LRP1B: variants seen among roughly 807,000 people sequenced by gnomAD.
LRP1B encodes the protein LDL receptor related protein 1B, also known as low-density lipoprotein receptor-related protein 1B.
In LRP1B, 217 loss-of-function variants were observed where a neutral mutation model predicts 556.6. That is an observed-to-expected ratio of 0.39 (90% confidence interval 0.35 to 0.44). The LOEUF (loss-of-function observed/expected upper bound fraction) is 0.44, where lower values mean the gene tolerates loss of function less well. LRP1B is among the 20% of genes least tolerant of loss of function. The pLI is 1.00. For synonymous variants in LRP1B, 2,047 were observed against 1,865.8 expected (o/e 1.10, Z -2.50); for missense variants, 5,053 against 5,620.8 (o/e 0.90, Z 3.23).
At chr2:140,474,808 G>A (rs2105347075) in intron 60 of LRP1B, among the ~76,000 whole-genome samples, 1 of 151,848 alleles carries the variant, frequency 6.6e-6, no homozygotes, top group African/African-American at 2.4e-5. Context: ...TGCAGTAATA[G>A]CCTCATATTT....
At chr2:141,220,091 G>T (rs182231808) in intron 6 of LRP1B, among the ~76,000 whole-genome samples, 4 of 152,176 alleles carry the variant, frequency 2.6e-5, no homozygotes, top group Non-Finnish European at 5.9e-5. Flanking sequence ...TGAATGACCT[G>T]ACAGAATTAG....
chr2:140,266,874 T>A (rs377056276), intron 86 of LRP1B, among the ~76,000 whole-genome samples: 1 of 152,018 alleles, frequency 6.6e-6, no homozygotes, highest in African/African-American at 2.4e-5. Flanking sequence ...CTAAAAGCCA[T>A]TCATCTTCCT....
At chr2:140,403,360 A>C (rs1284076919) in intron 66 of LRP1B, among the ~76,000 whole-genome samples, 1 of 152,168 alleles carries the variant, frequency 6.6e-6, no homozygotes, top group East Asian at 1.9e-4. Flanking sequence ...GAAAGGTGAA[A>C]AATTACATGT....
At chr2:140,726,043 T>A (rs965420700) in intron 35 of LRP1B, among the ~76,000 whole-genome samples, 7 of 152,028 alleles carry the variant, frequency 4.6e-5, no homozygotes, top group African/African-American at 1.7e-4. Context: ...ACGAGTAGGG[T>A]GCAGGTGGGG....
At chr2:141,546,785 G>A (rs1685569698) in intron 2 of LRP1B, among the ~76,000 whole-genome samples, 1 of 152,138 alleles carries the variant, frequency 6.6e-6, no homozygotes, top group African/African-American at 2.4e-5. Flanking sequence ...TGACACTGCT[G>A]ACATCCAGGC....
At chr2:141,202,581 T>C (rs1682083293) in intron 6 of LRP1B, among the ~76,000 whole-genome samples, 1 of 152,082 alleles carries the variant, frequency 6.6e-6, no homozygotes, top group Admixed American at 6.5e-5. Flanking sequence ...CCAGCGTATG[T>C]TATTTTTTGT....
At chr2:140,712,852 C>T (rs1293600470) in intron 37 of LRP1B, among the ~76,000 whole-genome samples, 2 of 151,976 alleles carry the variant, frequency 1.3e-5, no homozygotes, top group Admixed American at 1.3e-4. Context: ...TTATTGCTGG[C>T]ACACTGTTCT....
At chr2:141,740,582 T>C (rs1693659316) in intron 2 of LRP1B, among the ~76,000 whole-genome samples, 1 of 152,196 alleles carries the variant, frequency 6.6e-6, no homozygotes, top group Non-Finnish European at 1.5e-5. Context: ...TCCTTTGTGT[T>C]ACAAACTGTC....
intron 2 of LRP1B, among the ~76,000 whole-genome samples, chr2:141,683,884 C>T (rs2105434169): frequency 6.6e-6 from 1 of 151,510 alleles, no homozygotes; most frequent in South Asian, 2.1e-4. Flanking sequence ...ATCAAAGCCA[C>T]AATGACATAC....
chr2:140,666,899 A>G (rs1039170483), intron 41 of LRP1B, among the ~76,000 whole-genome samples: 2 of 152,236 alleles, frequency 1.3e-5, no homozygotes, highest in African/African-American at 2.4e-5. Flanking sequence ...TAAAGCTAGC[A>G]CACATTCTCC....
intron 55 of LRP1B, 66 bp from the exon 56 acceptor site, chr2:140,495,814 T>G: frequency 7.6e-7 from 1 of 1,317,890 alleles, no homozygotes; most frequent in Non-Finnish European, 1.1e-6. Context: ...TTTGGATATC[T>G]CTTTAGCATT....
At chr2:140,545,085 A>C (rs1412512668) in intron 43 of LRP1B, among the ~76,000 whole-genome samples, 2 of 149,638 alleles carry the variant, frequency 1.3e-5, no homozygotes, top group African/African-American at 4.9e-5. Flanking sequence ...TTCACTGCAT[A>C]TATGTCTTCT....
chr2:141,389,576 C>T (rs72983152), intron 3 of LRP1B, among the ~76,000 whole-genome samples: 179 of 151,916 alleles, frequency 1.2e-3, no homozygotes, highest in African/African-American at 4.0e-3. Context: ...TTCTTAGATA[C>T]GAGAACAAAC....
At chr2:141,544,341 T>TTCTTCTTC (rs1685438360) in intron 2 of LRP1B, among the ~76,000 whole-genome samples, 1 of 71,570 alleles carries the variant, frequency 1.4e-5, no homozygotes, top group Admixed American at 1.7e-4. Context: ...CTTCTTCTTC[T>TTCTTCTTC]TCTTCTTCTT....
At chr2:140,312,064 C>CG (rs34515203) in intron 83 of LRP1B, among the ~76,000 whole-genome samples, 1,982 of 151,444 alleles carry the variant, frequency 0.013, 59 homozygotes, top group African/African-American at 0.045. Context: ...TCTTTACTTC[C>CG]GGGGGAAAAA....
intron 6 of LRP1B, among the ~76,000 whole-genome samples, chr2:141,211,422 C>T (rs932745135): frequency 6.6e-6 from 1 of 151,728 alleles, no homozygotes; most frequent in Non-Finnish European, 1.5e-5. Context: ...GAGTTTGAGA[C>T]CAGCCTGGCC....
intron 1 of LRP1B, among the ~76,000 whole-genome samples, chr2:141,841,093 A>C (rs1305862259): frequency 1.3e-5 from 2 of 152,174 alleles, no homozygotes; most frequent in Admixed American, 1.3e-4. Flanking sequence ...ATCTGGGTTA[A>C]TGTAGGTTTG....
chr2:140,781,360 T>C (rs1033650580), intron 32 of LRP1B, among the ~76,000 whole-genome samples: 1 of 152,174 alleles, frequency 6.6e-6, no homozygotes, highest in African/African-American at 2.4e-5. Flanking sequence ...GCCTCCTCAT[T>C]ATATACAGCT....
intron 45 of LRP1B, among the ~76,000 whole-genome samples, chr2:140,538,826 A>G (rs937706894): frequency 2.6e-5 from 4 of 152,162 alleles, no homozygotes; most frequent in African/African-American, 4.8e-5. Context: ...TGAAAAAATA[A>G]TTGTTAGGAT....
Sources: allele counts gnomAD v4.1 joint callset (sites outside exome capture counted in the v4.1 genomes callset), GRCh38; gene constraint gnomAD v4.1.1; transcripts MANE v1.5; gene names NCBI Gene and HGNC (gene_info 2026-07-23, HGNC 2026-07-21).